Variants in RAD51B observed in about 807,000 individuals in gnomAD.
The protein encoded by RAD51B is RAD51 paralog B.
RAD51B carries 38 observed loss-of-function variants against 42.2 expected under a neutral mutation model. The observed-to-expected ratio is 0.90, with a 90% confidence interval of 0.70 to 1.18. The LOEUF (loss-of-function observed/expected upper bound fraction) is 1.18. Ranked by LOEUF, RAD51B falls within the 50% of genes most tolerant of loss-of-function variation. RAD51B has a pLI of 0.00. For synonymous variants in RAD51B, 154 were observed against 145.2 expected (o/e 1.06, Z -0.43); for missense variants, 373 against 400.7 (o/e 0.93, Z 0.59).
At chr14:68,587,201 G>A (rs1220628895) in intron 10 of RAD51B, among the ~76,000 whole-genome samples, 1 of 152,114 alleles carries the variant, frequency 6.6e-6, no homozygotes, top group Non-Finnish European at 1.5e-5. Flanking sequence ...AGTGGTCAGG[G>A]CACTGCAGAG....
rs117079124 is a variant in RAD51B at position 68,207,451 on chromosome 14, A to C, written c.757-84433A>C. On this transcript the variant is annotated intron_variant, in intron 7 of 10. Coordinates refer to ENST00000471583, the MANE Select transcript of RAD51B (RefSeq NM_133510.4). ...AAGATAGAAAATCGAAATTCACATG[A>C]CAGGGTGAAGCATAGTGATTAAGAT... is the stretch of plus-strand genomic sequence containing the variant. Among the ~76,000 whole-genome samples the C allele has an allele frequency of 4.5e-4, 68 of 152,326 alleles. 1 individual carries two copies. The Middle Eastern group carries it at 0.014, about 30-fold the overall frequency.
At chr14:68,235,740 G>C (rs2080240473) in intron 7 of RAD51B, among the ~76,000 whole-genome samples, 1 of 141,894 alleles carries the variant, frequency 7.0e-6, no homozygotes, top group Non-Finnish European at 1.5e-5. Context: ...AAAGAGCTGA[G>C]ATCTTACCTG....
intron 7 of RAD51B, among the ~76,000 whole-genome samples, chr14:68,201,641 A>G (rs1344012562): frequency 6.6e-6 from 1 of 152,220 alleles, no homozygotes; most frequent in Admixed American, 6.5e-5. Context: ...AGATGCAGGC[A>G]CTTGCCACCT....
chr14:68,148,078 T>C lies in RAD51B; in HGVS notation c.757-143806T>C, dbSNP rs531754536. On this transcript the variant is annotated intron_variant, in intron 7 of 10. Coordinates refer to ENST00000471583, the MANE Select transcript of RAD51B (RefSeq NM_133510.4). ...TCTAGAGTTCCTTATTAATGGATCA[T>C]ACAGTATAAACTCATTTTGGTCTTG... Among the ~76,000 whole-genome samples, 4 of 152,336 alleles carry C rather than the reference T, an allele frequency of 2.6e-5. No homozygotes were observed. In the East Asian group the frequency reaches 7.7e-4, roughly 29 times the overall value.
At chr14:68,080,686 T>G (rs905285343) in intron 7 of RAD51B, among the ~76,000 whole-genome samples, 15 of 152,096 alleles carry the variant, frequency 9.9e-5, no homozygotes, top group Non-Finnish European at 2.1e-4. Context: ...AGTGCAGGGG[T>G]CTATTCAGGA....
At chr14:68,399,294 T>TC (rs1245349185) in intron 8 of RAD51B, among the ~76,000 whole-genome samples, 1 of 150,540 alleles carries the variant, frequency 6.6e-6, no homozygotes, top group Admixed American at 6.6e-5. Context: ...TCTTACTGTG[T>TC]CGCCCAGGCT....
At chr14:68,591,430 C>G (rs920963126) in intron 10 of RAD51B, among the ~76,000 whole-genome samples, 2 of 152,256 alleles carry the variant, frequency 1.3e-5, no homozygotes, top group African/African-American at 4.8e-5. Flanking sequence ...GCTTTTCCAT[C>G]TCTAAATAAA....
chr14:68,240,847 G>T (rs1347337672), intron 7 of RAD51B, among the ~76,000 whole-genome samples: 1 of 152,200 alleles, frequency 6.6e-6, no homozygotes, highest in African/African-American at 2.4e-5. Context: ...AGCTGAGAAG[G>T]AAAAGGAAAG....
At chr14:68,143,671 T>C (rs1566678555) in intron 7 of RAD51B, among the ~76,000 whole-genome samples, 1 of 152,250 alleles carries the variant, frequency 6.6e-6, no homozygotes. Context: ...CACTTCTATT[T>C]ATGCCAAGTC....
intron 10 of RAD51B, among the ~76,000 whole-genome samples, chr14:68,622,739 A>C (rs1471182166): frequency 2.0e-5 from 3 of 151,780 alleles, no homozygotes; most frequent in Non-Finnish European, 4.4e-5. Flanking sequence ...AAAAAAAAAA[A>C]AAAACTGGAT....
chr14:68,005,032 T>A (rs2075557643), intron 7 of RAD51B, among the ~76,000 whole-genome samples: 1 of 101,966 alleles, frequency 9.8e-6, no homozygotes, highest in Admixed American at 9.3e-5. Context: ...ACCATTCTAC[T>A]GTGTGTGTGT....
chr14:68,206,131 C>T (rs1320077664), intron 7 of RAD51B, among the ~76,000 whole-genome samples: 1 of 152,170 alleles, frequency 6.6e-6, no homozygotes, highest in Non-Finnish European at 1.5e-5. Context: ...TAAGCCCCCC[C>T]TCTTGCTTTT....
At chr14:68,630,027 C>A (rs886307194) in intron 10 of RAD51B, among the ~76,000 whole-genome samples, 1 of 152,206 alleles carries the variant, frequency 6.6e-6, no homozygotes, top group African/African-American at 2.4e-5. Flanking sequence ...GGTTTCCTAC[C>A]ACTTCTCACA....
intron 11 of RAD51B, among the ~76,000 whole-genome samples, chr14:68,661,607 C>T (rs1226209136): frequency 1.3e-5 from 2 of 152,208 alleles, no homozygotes; most frequent in African/African-American, 4.8e-5. Flanking sequence ...AGCGGATGCA[C>T]TCCATCATGG....
chr14:68,581,290 T>C (rs1425065018), intron 10 of RAD51B, among the ~76,000 whole-genome samples: 1 of 152,064 alleles, frequency 6.6e-6, no homozygotes, highest in Non-Finnish European at 1.5e-5. Flanking sequence ...AGCCAGCTGG[T>C]TGGGAGGGTA....
chr14:68,122,072 T>G (rs1336323130), intron 7 of RAD51B, among the ~76,000 whole-genome samples: 1 of 152,040 alleles, frequency 6.6e-6, no homozygotes, highest in East Asian at 1.9e-4. Context: ...TTAAGCCTTA[T>G]CCAAAAATAA....
intron 7 of RAD51B, among the ~76,000 whole-genome samples, chr14:67,891,014 T>C (rs994014651): frequency 6.6e-6 from 1 of 152,164 alleles, no homozygotes; most frequent in Admixed American, 6.5e-5. Context: ...TGAAAATTCT[T>C]TGGAAATGCT....
chr14:68,411,464 T>A lies in RAD51B; in HGVS notation c.894T>A (p.Asn298Lys). ...GCTGTGTGATAGCCGCACTAGGAAA[T>A]ACCTGGAGTCACAGTGTGAATACCC... ...GSSCVIAALGNTWSHSVNTRL... is the reference protein window; with the variant it reads ...GSSCVIAALGKTWSHSVNTRL... Residue 298 changes from asparagine (N) to lysine (K), a missense_variant, in exon 9 of 11, where the codon AAT (asparagine) becomes AAA (lysine). Physicochemically the swap from Asn to Lys is moderately conservative, Grantham distance 94. Transcript: ENST00000471583. 6.2e-7 allele frequency: 1 copy of A among 1,614,144 alleles called. No homozygotes were observed. The highest frequency in any genetic ancestry group is 8.5e-7 in the Non-Finnish European group (1 of 1,180,006).
At chr14:68,672,317 G>A (rs1893175878) in intron 11 of RAD51B, among the ~76,000 whole-genome samples, 2 of 152,186 alleles carry the variant, frequency 1.3e-5, no homozygotes, top group Admixed American at 1.3e-4. Context: ...GACTTGTGAT[G>A]AGTGGAAAAC....
Sources: allele counts gnomAD v4.1 joint callset (sites outside exome capture counted in the v4.1 genomes callset), GRCh38; gene constraint gnomAD v4.1.1; transcripts MANE v1.5; gene names NCBI Gene and HGNC (gene_info 2026-07-23, HGNC 2026-07-21).